BDP1: variants seen among roughly 807,000 people sequenced by gnomAD.
BDP1 encodes BDP1 general transcription factor IIIB subunit.
A neutral mutation model predicts 266.6 loss-of-function variants in BDP1; 169 were observed. The observed-to-expected ratio is 0.63, with a 90% CI of 0.56 to 0.72. The LOEUF (loss-of-function observed/expected upper bound fraction) is 0.72. BDP1 is among the 30% of genes least tolerant of loss of function. BDP1 has a pLI of 0.00. For synonymous variants in BDP1, 1,090 were observed against 1,022.4 expected, an observed-to-expected ratio of 1.07 and a Z score of -1.26; for missense variants, 3,015 against 3,053.8, an observed-to-expected ratio of 0.99 and a Z score of 0.30.
intron 7 of BDP1, among the ~76,000 whole-genome samples, chr5:71,481,288 C>T (rs1452496814): frequency 1.3e-5 from 2 of 149,068 alleles, no homozygotes; most frequent in Non-Finnish European, 3.0e-5. Flanking sequence ...CGGTGGTTCA[C>T]ACCTCTAATC....
At chr5:71,503,637 G>C (rs193290894) in intron 15 of BDP1, among the ~76,000 whole-genome samples, 3 of 152,142 alleles carry the variant, frequency 2.0e-5, no homozygotes, top group African/African-American at 7.2e-5. Flanking sequence ...AAAGATAAAA[G>C]TTGTCATGTT....
intron 13 of BDP1, among the ~76,000 whole-genome samples, chr5:71,498,156 T>G (rs1764007476): frequency 6.6e-6 from 1 of 152,130 alleles, no homozygotes; most frequent in Non-Finnish European, 1.5e-5. Flanking sequence ...TTCACCGCGT[T>G]AGCCAGGATG....
intron 38 of BDP1, chr5:71,562,900 G>A (rs1743781029): frequency 7.8e-7 from 1 of 1,281,952 alleles, no homozygotes; most frequent in South Asian, 1.2e-5. Context: ...CCAATGGCAA[G>A]TATTGGGATG....
downstream of BDP1, among the ~76,000 whole-genome samples, chr5:71,568,305 C>T (rs1337264955): frequency 6.6e-6 from 1 of 152,192 alleles, no homozygotes; most frequent in Admixed American, 6.5e-5. Context: ...CCCTGTCTTA[C>T]ATTGGGTTTC....
intron 25 of BDP1, 126 bp downstream of exon 25, chr5:71,524,449 C>T: frequency 9.6e-7 from 1 of 1,046,706 alleles, no homozygotes; most frequent in African/African-American, 1.6e-5. Context: ...CTCTAAATAA[C>T]CTCTACCAAA....
At chr5:71,498,943 T>G (rs1764063229) in intron 13 of BDP1, among the ~76,000 whole-genome samples, 1 of 151,828 alleles carries the variant, frequency 6.6e-6, no homozygotes, top group Non-Finnish European at 1.5e-5. Context: ...AAGCTTGTCT[T>G]GAATTCCTGA....
Position 71,539,637 on chromosome 5 carries a change from G to T in BDP1, c.6010G>T (p.Glu2004Ter). The T allele has an allele frequency of 6.2e-7, 1 of 1,607,814 alleles. No individual in the cohort carries two copies. Among genetic ancestry groups the T allele is most frequent in the South Asian group, 1.1e-5 (1 of 90,544 alleles). ...DLVLQSEISS[E>*]QGDVGVCIIP... ...AGTATTGCAGTCAGAGATCAGTAGT[G>T]AACAGGGTGATGGTAAGAATGAAAG... Residue 2004 changes from glutamate to a stop codon, truncating the protein, a stop_gained, in exon 28 of 39, where the codon GAA (glutamate) becomes TAA (stop). Transcript: ENST00000358731. LOFTEE classifies it high-confidence loss of function.
Position 71,510,348 on chromosome 5 carries a change from G to A in BDP1, c.3256G>A (p.Glu1086Lys). The change falls in exon 17 of 39, where the codon GAA becomes AAA. Residue 1086 changes from glutamate to lysine, a missense_variant. By Grantham distance (56) the Glu-to-Lys change is moderately conservative. Around this residue, in one of 3 missense-constraint regions of BDP1, gnomAD observed 2,383 missense variants for 2,404.9 expected, o/e 0.99. Transcript: ENST00000358731. Reference protein sequence around the residue: ...KTPEVIDAIEEIEIDLEETER... With the variant: ...KTPEVIDAIEKIEIDLEETER... ...ACCAGAGGTGATTGATGCCATTGAG[G>A]AAATAGAGATAGATTTGGAAGAAAC... The A allele has an allele frequency of 6.2e-7, 1 of 1,613,554 alleles. No individual in the cohort carries two copies. Among genetic ancestry groups the A allele is most frequent in the South Asian group, 1.1e-5 (1 of 91,030 alleles).
At chr5:71,515,993 C>CG (rs1765193680) in intron 20 of BDP1, 68 bp from the exon 21 acceptor site, 1 of 1,145,482 alleles carries the variant, frequency 8.7e-7, no homozygotes, top group Non-Finnish European at 1.2e-6. Flanking sequence ...CCAAATTTTA[C>CG]ATTTTTACAT....
intron 12 of BDP1, among the ~76,000 whole-genome samples, chr5:71,496,664 C>T (rs1763914501): frequency 6.6e-6 from 1 of 152,158 alleles, no homozygotes; most frequent in Admixed American, 6.5e-5. Context: ...CTCACTGCAA[C>T]CCCCGCCTCC....
chr5:71,507,946 A>C (rs1378611434), intron 16 of BDP1, among the ~76,000 whole-genome samples: 1 of 152,144 alleles, frequency 6.6e-6, no homozygotes, highest in Non-Finnish European at 1.5e-5. Context: ...TGAAACAAGC[A>C]ATAGCATACT....
At chr5:71,536,573 C>T (rs1297476517) in intron 26 of BDP1, among the ~76,000 whole-genome samples, 2 of 152,150 alleles carry the variant, frequency 1.3e-5, no homozygotes, top group Non-Finnish European at 2.9e-5. Flanking sequence ...CGCGGTGGCT[C>T]ATGCCTATAA....
chr5:71,488,581 A>C (rs746541466), intron 9 of BDP1, among the ~76,000 whole-genome samples: 14 of 151,676 alleles, frequency 9.2e-5, no homozygotes, highest in Admixed American at 6.6e-5. Flanking sequence ...GGCAAGTACC[A>C]CCACACCCAG....
intron 7 of BDP1, among the ~76,000 whole-genome samples, chr5:71,477,649 C>T (rs1762674987): frequency 9.1e-6 from 1 of 110,478 alleles, no homozygotes; most frequent in Admixed American, 8.8e-5. Context: ...TATAGGGTCT[C>T]ACTCTCTGTT....
chr5:71,476,583 C>T (rs551062257), intron 7 of BDP1, among the ~76,000 whole-genome samples: 1 of 152,170 alleles, frequency 6.6e-6, no homozygotes, highest in Non-Finnish European at 1.5e-5. Context: ...CTCTGTCATC[C>T]AGGCTGGAGT....
At chr5:71,483,092 TTCTC>T (rs1024853457) in intron 7 of BDP1, among the ~76,000 whole-genome samples, 2 of 152,180 alleles carry the variant, frequency 1.3e-5, no homozygotes, top group South Asian at 2.1e-4. Flanking sequence ...TTATGTGATA[TTCTC>T]TCTCTCTTTT....
At chr5:71,574,196 C>A in the BDP1 span, among the ~76,000 whole-genome samples, 1 of 152,126 alleles carries the variant, frequency 6.6e-6, no homozygotes, top group East Asian at 1.9e-4. Flanking sequence ...TGTGGAAAAA[C>A]TGGACATTTA....
At chr5:71,526,123 C>T (rs1372732205) in intron 25 of BDP1, among the ~76,000 whole-genome samples, 6 of 152,206 alleles carry the variant, frequency 3.9e-5, no homozygotes, top group Admixed American at 1.3e-4. Context: ...GCCGAGATCA[C>T]GCCACTGCAC....
intron 6 of BDP1, among the ~76,000 whole-genome samples, chr5:71,469,764 C>T (rs758665052): frequency 2.6e-5 from 4 of 151,762 alleles, no homozygotes; most frequent in Admixed American, 2.6e-4. Flanking sequence ...CAGGTGCACG[C>T]CACCACGCCC....
Sources: allele counts gnomAD v4.1 joint callset (sites outside exome capture counted in the v4.1 genomes callset), GRCh38; gene constraint gnomAD v4.1.1; regional missense constraint gnomAD v4.1.1; transcripts MANE v1.5; gene names NCBI Gene and HGNC (gene_info 2026-07-23, HGNC 2026-07-21).